A3GALT2: variants seen among roughly 807,000 people sequenced by gnomAD.
The protein encoded by A3GALT2 is alpha-1,3-galactosyltransferase 2.
Under a neutral mutation model 16.6 loss-of-function variants are expected in A3GALT2, and 14 were observed. The ratio of observed to expected loss-of-function variants is 0.84; its 90% CI spans 0.56 to 1.32. The LOEUF (loss-of-function observed/expected upper bound fraction) is 1.32, where lower values mean the gene tolerates loss of function less well. A3GALT2 is among the 40% of genes most tolerant of loss of function. The probability of loss-of-function intolerance (pLI) is 0.00; values close to 1 mark genes in which losing one functional copy is unlikely to be tolerated. For synonymous variants in A3GALT2, 253 were observed against 218.0 expected (o/e 1.16, Z -1.42); for missense variants, 600 against 490.9 (o/e 1.22, Z -2.10).
At chr1:33,312,412 G>T in intron 3 of A3GALT2, 89 bp downstream of exon 3, 1 of 1,378,048 alleles carries the variant, frequency 7.3e-7, no homozygotes, top group Non-Finnish European at 9.9e-7. Context: ...CTCTGCTGGG[G>T]TGGGAGATGT....
chr1:33,318,295 T>G (rs1646270164), intron 1 of A3GALT2, among the ~76,000 whole-genome samples: 1 of 152,118 alleles, frequency 6.6e-6, no homozygotes, highest in Admixed American at 6.5e-5. Flanking sequence ...ATAAAAATAT[T>G]GTTACAAATA....
Position 33,312,109 on chromosome 1 carries a change from T to G in A3GALT2, c.278A>C (p.Lys93Thr), listed in dbSNP as rs772487393. 1.2e-6 allele frequency: 2 copies of G among 1,613,728 alleles called. No individual in the cohort carries two copies. Among genetic ancestry groups the G allele is most frequent in the Non-Finnish European group, 1.7e-6 (2 of 1,179,854 alleles). ...WDGSFDPDVA[K>T]QEARQQNLTI... ...GAGGTTCTGCTGTCTAGCCTCTTGC[T>G]TGGCCACATCTGGGTCGAAAGAGCC... The change falls in exon 4 of 5, where the codon AAG (lysine) becomes ACG (threonine). Residue 93 changes from lysine to threonine, a missense_variant. Physicochemically the swap from Lys to Thr is moderately conservative, Grantham distance 78 (BLOSUM62 -1). Transcript: ENST00000442999.
At position 33,312,266 on chromosome 1, in the gene A3GALT2, C is replaced by T. The variant is rs1471530076; in HGVS notation, c.198-77G>A. ...TGGTGCATGTTCACTGCCACCTCCC[C>T]AGTGCTGAGCCCTAGGGACCCATAG... On this transcript the variant is annotated intron_variant, in intron 3 of 4. Coordinates refer to ENST00000442999, the MANE Select transcript of A3GALT2 (RefSeq NM_001080438.1). 4.5e-6 allele frequency: 7 copies of T among 1,570,870 alleles called. No homozygotes were observed. The African/African-American group carries it at 9.4e-5, about 21-fold the overall frequency.
rs752376215 is a variant in A3GALT2 at position 33,307,124 on chromosome 1, G to A, written c.665C>T (p.Ser222Phe). The change falls in exon 5 of 5, where the codon TCC becomes TTC. Residue 222 changes from serine (S) to phenylalanine (F), a missense_variant. Physicochemically the swap from Ser to Phe is radical, Grantham distance 155. Transcript: ENST00000442999. ...CCACGACGGCCAGTGGTAGTGCCAG[G>A]AGTGCAGCTGCGCCACCGACTCGGC... ...ALAESVAQLH[S>F]WHYHWPSWLL... is the part of the protein sequence containing the mutation. 5 of 1,538,306 alleles carry A rather than the reference G, an allele frequency of 3.3e-6. No individual in the cohort carries two copies. The South Asian group carries it at 6.1e-5, about 19-fold the overall frequency.
chr1:33,312,972 T>G (rs917768785), intron 1 of A3GALT2, 82 bp from the exon 2 acceptor site: 67 of 1,151,130 alleles, frequency 5.8e-5, no homozygotes, highest in Middle Eastern at 2.2e-4. Context: ...TGAAAAGTCT[T>G]TCTTACTTCC....
Position 33,312,591 on chromosome 1 carries a change from C to T in A3GALT2, c.108-1G>A, listed in dbSNP as rs771560243. 1.3e-6 allele frequency: 2 copies of T among 1,582,252 alleles called. No homozygotes were observed. Among genetic ancestry groups the T allele is most frequent in the Non-Finnish European group, 1.7e-6 (2 of 1,162,434 alleles). On this transcript the variant is annotated splice_acceptor_variant, in intron 2 of 4. Transcript: ENST00000442999. LOFTEE classifies it high-confidence loss of function. ...CATGGGGATGAGGGCTTCCAGATGC[C>T]TGTGGTGGGTTGAGGGGCGGGGGGC...
chr1:33,312,292 A>T, intron 3 of A3GALT2, 103 bp from the exon 4 acceptor site: 2 of 1,491,918 alleles, frequency 1.3e-6, no homozygotes, highest in Non-Finnish European at 1.8e-6. Flanking sequence ...GGACCCATAG[A>T]CCGATGAGAC....
At position 33,307,132 on chromosome 1, in the gene A3GALT2, C is replaced by T; in HGVS notation, c.657G>A (p.Gln219=). The T allele has an allele frequency of 6.5e-7, 1 of 1,541,336 alleles. No homozygotes were observed. Among genetic ancestry groups the T allele is most frequent in the Non-Finnish European group, 8.7e-7 (1 of 1,146,558 alleles). The change falls in exon 5 of 5, where the codon CAG becomes CAA. Residue 219 remains glutamine, a synonymous_variant. Transcript: ENST00000442999. ...GPEALAESVA[Q]LHSWHYHWPS... The stretch of plus-strand genomic sequence containing the variant: ...GCCAGTGGTAGTGCCAGGAGTGCAG[C>T]TGCGCCACCGACTCGGCCAGCGCCT...
chr1:33,306,899 A>T lies in A3GALT2; in HGVS notation c.890T>A (p.Phe297Tyr), dbSNP rs1462035066. The change falls in exon 5 of 5, where the codon TTC becomes TAC. Residue 297 changes from phenylalanine to tyrosine, a missense_variant. Physicochemically the swap from Phe to Tyr is conservative, Grantham distance 22 (BLOSUM62 3). Transcript: ENST00000442999. ...CTTGGCGGGCTTGTGCAGCCAGAAG[A>T]ACTTGTTGAGGTGGCTCTCGTCGTG... is the stretch of plus-strand genomic sequence containing the variant. The part of the protein sequence containing the change: ...RWHDESHLNK[F>Y]FWLHKPAKVL... 5 of 1,523,104 alleles carry T rather than the reference A, an allele frequency of 3.3e-6. No individual in the cohort carries two copies. Among genetic ancestry groups the T allele is most frequent in the Non-Finnish European group, 4.4e-6 (5 of 1,140,908 alleles). 94.3% of individuals were successfully genotyped at this position (1,523,104 alleles called of 1,614,324 possible).
At chr1:33,311,041 C>G (rs1646230486) in intron 4 of A3GALT2, among the ~76,000 whole-genome samples, 1 of 152,150 alleles carries the variant, frequency 6.6e-6, no homozygotes, top group South Asian at 2.1e-4. Flanking sequence ...TCTGGGGTAT[C>G]TGGTAACAAA....
chr1:33,310,031 C>T (rs929825078), intron 4 of A3GALT2, among the ~76,000 whole-genome samples: 7 of 152,364 alleles, frequency 4.6e-5, no homozygotes, highest in South Asian at 2.1e-4. Flanking sequence ...ACTGAGTGAG[C>T]GAGACTCCGT....
chr1:33,319,249 GA>G (rs1341558385), intron 1 of A3GALT2, among the ~76,000 whole-genome samples: 2 of 152,218 alleles, frequency 1.3e-5, no homozygotes, highest in Non-Finnish European at 2.9e-5. Flanking sequence ...AAAGATCAAG[GA>G]AATGCAAACT....
Position 33,306,941 on chromosome 1 carries a change from C to A in A3GALT2, c.848G>T (p.Gly283Val). ...CTCGTCGTGCCAGCGCGCCTCCAGG[C>A]CGCGCGCGCGGTCCCAGTCCAGGCC... ...AGGLDWDRAR[G>V]LEARWHDESH... The change falls in exon 5 of 5, where the codon GGC (glycine) becomes GTC (valine). Residue 283 changes from glycine (G) to valine (V), a missense_variant. Transcript: ENST00000442999. 1 of 1,511,110 alleles carries A rather than the reference C, an allele frequency of 6.6e-7. No homozygotes were observed. The highest frequency in any genetic ancestry group is 8.8e-7 in the Non-Finnish European group (1 of 1,136,098). The allele number at this position is 1,511,110 out of a possible 1,614,324, so 93.6% of individuals were successfully genotyped here. A position where few individuals can be genotyped will look rare whatever the true frequency, so the allele number is the denominator to read the frequency against.
chr1:33,306,941 CCG>C lies in A3GALT2; in HGVS notation c.846_847del (p.Gly283ProfsTer?), dbSNP rs1482626107. On this transcript the variant is annotated frameshift_variant, in exon 5 of 5. Coordinates refer to ENST00000442999, the MANE Select transcript of A3GALT2 (RefSeq NM_001080438.1). LOFTEE classifies it low-confidence loss of function (END_TRUNC). ...CTCGTCGTGCCAGCGCGCCTCCAGGCCGCGCGCGCGGTCCCAGTCCAGGCCCC... is the reference window on the plus strand; with the variant it reads ...CTCGTCGTGCCAGCGCGCCTCCAGGCCGCGCGCGGTCCCAGTCCAGGCCCC... 1.7e-5 allele frequency: 25 copies of C among 1,511,046 alleles called. No individual in the cohort carries two copies. The highest frequency in any genetic ancestry group is 1.7e-4 in the Middle Eastern group (1 of 5,874). The allele number at this position is 1,511,046 out of a possible 1,614,324, so 93.6% of individuals were successfully genotyped here. A position where few individuals can be genotyped will look rare whatever the true frequency, so the allele number is the denominator to read the frequency against.
intron 4 of A3GALT2, among the ~76,000 whole-genome samples, chr1:33,308,834 CAT>C (rs1428703898): frequency 1.6e-5 from 2 of 128,118 alleles, no homozygotes; most frequent in Admixed American, 1.9e-4. Flanking sequence ...TTGGCAGGGT[CAT>C]AGGACAATAG....
Position 33,307,305 on chromosome 1 carries a change from G to T in A3GALT2, c.484C>A (p.Arg162Ser). Residue 162 changes from arginine to serine, a missense_variant, in exon 5 of 5, where the codon CGC becomes AGC. By Grantham distance (110) the Arg-to-Ser change is moderately radical. Coordinates refer to ENST00000442999, the MANE Select transcript of A3GALT2 (RefSeq NM_001080438.1). ...TGCCAGCGCCGCTCGCGCGCCACGC[G>T]CTCCACGGGCAGCCGGCGTCCCGGG... The part of the protein sequence containing the change: ...LGPGRRLPVE[R>S]VARERRWQDV... The T allele has an allele frequency of 1.4e-6, 2 of 1,479,858 alleles. No individual in the cohort carries two copies. The highest frequency in any genetic ancestry group is 1.8e-6 in the Non-Finnish European group (2 of 1,126,356). The allele number at this position is 1,479,858 out of a possible 1,614,324, so 91.7% of individuals were successfully genotyped here. A position where few individuals can be genotyped will look rare whatever the true frequency, so the allele number is the denominator to read the frequency against.
At chr1:33,316,502 G>C (rs1557809808) in intron 1 of A3GALT2, among the ~76,000 whole-genome samples, 1 of 152,186 alleles carries the variant, frequency 6.6e-6, no homozygotes, top group Non-Finnish European at 1.5e-5. Flanking sequence ...AAGTACTCCA[G>C]CTGAAATCTG....
intron 1 of A3GALT2, 27 bp downstream of exon 1, chr1:33,321,049 C>A: frequency 6.2e-7 from 1 of 1,612,982 alleles, no homozygotes; most frequent in Non-Finnish European, 8.5e-7. Flanking sequence ...AAGCTTTCTT[C>A]CTCTCCATAC....
rs1458607499 is a variant in A3GALT2, at chr1:33,307,156, C to T, written c.633G>A (p.Glu211=). 3.9e-6 allele frequency: 6 copies of T among 1,553,788 alleles called. No homozygotes were observed. Among genetic ancestry groups the T allele is most frequent in the Non-Finnish European group, 5.2e-6 (6 of 1,153,230 alleles). The change falls in exon 5 of 5, where the codon GAG becomes GAA. Residue 211 remains glutamate, a synonymous_variant. Transcript: ENST00000442999. The part of the protein sequence containing the change: ...DQHFSGTFGP[E]ALAESVAQLH... The stretch of plus-strand genomic sequence containing the variant: ...GCTGCGCCACCGACTCGGCCAGCGC[C>T]TCGGGCCCAAAAGTGCCGCTGAAGT...
Sources: gnomAD v4.1 joint callset for allele counts (sites outside exome capture counted in the v4.1 genomes callset) on GRCh38, gnomAD v4.1.1 for gene constraint, MANE v1.5 for transcripts, NCBI Gene and HGNC (gene_info 2026-07-23, HGNC 2026-07-21) for gene names.